MBD5: variants seen among roughly 807,000 people sequenced by gnomAD.
MBD5 encodes methyl-CpG binding domain protein 5.
Under a neutral mutation model 117.3 loss-of-function variants are expected in MBD5, and 13 were observed. The ratio of observed to expected loss-of-function variants is 0.11; its 90% CI spans 0.07 to 0.18. The LOEUF is 0.18. Ranked by LOEUF, MBD5 falls within the 10% of genes least tolerant of loss-of-function variation. The pLI, the probability that MBD5 is intolerant of heterozygous loss-of-function variation, is 1.00. For missense variants in MBD5, 1,879 were observed against 2,093.8 expected (o/e 0.90, Z 2.00); for synonymous variants, 727 against 766.4 (o/e 0.95, Z 0.85).
At chr2:148,037,014 A>AT (rs1694213582) in intron 1 of MBD5, among the ~76,000 whole-genome samples, 1 of 109,784 alleles carries the variant, frequency 9.1e-6, no homozygotes, top group Non-Finnish European at 2.2e-5. Flanking sequence ...TGCGTAGATA[A>AT]CAAAAGTAAT....
Position 148,514,471 on chromosome 2 carries a change from T to C in MBD5, c.*1530T>C, listed in dbSNP as rs1405378405. On this transcript the variant is annotated 3_prime_UTR_variant, in exon 14 of 14. Coordinates refer to ENST00000642680, the MANE Select transcript of MBD5 (RefSeq NM_001378120.1). ...ATGGATTGTCAAAAGAAGGGATCTATTATCCCTTTATTCTTGGAACCACCA... is the reference window on the plus strand; with the variant it reads ...ATGGATTGTCAAAAGAAGGGATCTACTATCCCTTTATTCTTGGAACCACCA... 6.6e-6 allele frequency: 1 copy of C among 152,132 alleles called. No homozygotes were observed. The highest frequency in any genetic ancestry group is 1.5e-5 in the Non-Finnish European group (1 of 68,026). The allele number at this position is 152,132 out of a possible 1,614,324, so 9.4% of individuals were successfully genotyped here. A position where few individuals can be genotyped will look rare whatever the true frequency, so the allele number is the denominator to read the frequency against.
chr2:148,386,712 C>A (rs1704378952), intron 4 of MBD5, among the ~76,000 whole-genome samples: 1 of 96,826 alleles, frequency 1.0e-5, no homozygotes, highest in African/African-American at 4.4e-5. Flanking sequence ...GAGCGAGACT[C>A]CGTCTCAAAA....
intron 7 of MBD5, among the ~76,000 whole-genome samples, chr2:148,467,815 A>T (rs532204799): frequency 6.6e-6 from 1 of 152,320 alleles, no homozygotes; most frequent in African/African-American, 2.4e-5. Context: ...AGGTTGCAGT[A>T]AGATAACAAA....
intron 3 of MBD5, among the ~76,000 whole-genome samples, chr2:148,261,065 C>G (rs1354735393): frequency 6.6e-6 from 1 of 152,166 alleles, no homozygotes; most frequent in African/African-American, 2.4e-5. Context: ...GCAAATCATG[C>G]TGCAAACAGA....
At chr2:148,145,266 T>C (rs1697426003) in intron 1 of MBD5, among the ~76,000 whole-genome samples, 1 of 152,226 alleles carries the variant, frequency 6.6e-6, no homozygotes. Flanking sequence ...TATTGCTTTA[T>C]AGGAATGCTT....
chr2:148,342,826 G>A (rs1702982203), intron 4 of MBD5, among the ~76,000 whole-genome samples: 1 of 151,870 alleles, frequency 6.6e-6, no homozygotes, highest in African/African-American at 2.4e-5. Flanking sequence ...TGTTAACTGG[G>A]TATACTGCAT....
chr2:148,306,594 C>G (rs746018363), intron 3 of MBD5, among the ~76,000 whole-genome samples: 2 of 152,024 alleles, frequency 1.3e-5, no homozygotes, highest in Non-Finnish European at 2.9e-5. Flanking sequence ...TAAGATTGCT[C>G]TAAGTTATAG....
intron 8 of MBD5, among the ~76,000 whole-genome samples, chr2:148,475,732 C>G (rs1364161851): frequency 1.3e-5 from 2 of 152,126 alleles, no homozygotes; most frequent in Non-Finnish European, 2.9e-5. Context: ...AACATTTACA[C>G]AGTTGCAAAA....
chr2:148,453,990 A>C (rs973782060), intron 4 of MBD5, among the ~76,000 whole-genome samples: 1 of 152,144 alleles, frequency 6.6e-6, no homozygotes, highest in Non-Finnish European at 1.5e-5. Context: ...CAAGATGGGC[A>C]TAGATTTATG....
At chr2:148,169,701 C>T (rs774542824) in intron 1 of MBD5, among the ~76,000 whole-genome samples, 1 of 152,084 alleles carries the variant, frequency 6.6e-6, no homozygotes, top group Non-Finnish European at 1.5e-5. Context: ...TCTGAATAGC[C>T]TGGTTATTAC....
intron 1 of MBD5, among the ~76,000 whole-genome samples, chr2:148,077,741 AC>A (rs1443029822): frequency 1.3e-5 from 2 of 152,190 alleles, no homozygotes; most frequent in African/African-American, 4.8e-5. Flanking sequence ...ATTGTATAAA[AC>A]AAGTCTGGAT....
At chr2:148,312,503 G>T (rs1258633626) in intron 3 of MBD5, among the ~76,000 whole-genome samples, 1 of 152,076 alleles carries the variant, frequency 6.6e-6, no homozygotes, top group Non-Finnish European at 1.5e-5. Context: ...GCTCCATCAG[G>T]TCATTAGTGT....
chr2:148,270,393 A>G (rs371214853), intron 3 of MBD5, among the ~76,000 whole-genome samples: 5 of 141,746 alleles, frequency 3.5e-5, no homozygotes, highest in African/African-American at 1.3e-4. Context: ...CTTCCTTTCT[A>G]TTTTTTTTTT....
rs564975621 is a variant in MBD5, at chr2:148,476,787, A to G, written c.2519-6323A>G. 4.6e-5 allele frequency among the ~76,000 whole-genome samples: 7 copies of G among 152,332 alleles called. No homozygotes were observed. In the South Asian group the frequency reaches 1.5e-3, roughly 32 times the overall value. ...ATAAAACGGTATAGTAGAAGAATACAAAGCTAAGCATATTCATAATCTAGA... is the reference window on the plus strand; with the variant it reads ...ATAAAACGGTATAGTAGAAGAATACGAAGCTAAGCATATTCATAATCTAGA... On this transcript the variant is annotated intron_variant, in intron 8 of 13. Coordinates refer to ENST00000642680, the MANE Select transcript of MBD5 (RefSeq NM_001378120.1).
rs991844105 is a variant in MBD5 at position 148,514,507 on chromosome 2, CAAA to C, written c.*1567_*1569del. ...TTCTTGGAACCACCAGTCCCTGCCCCAAACCCTTAAACCCCTAGAGAGCACTGC... is the reference window on the plus strand; with the variant it reads ...TTCTTGGAACCACCAGTCCCTGCCCCCCCTTAAACCCCTAGAGAGCACTGC... On this transcript the variant is annotated 3_prime_UTR_variant, in exon 14 of 14. Coordinates refer to ENST00000642680, the MANE Select transcript of MBD5 (RefSeq NM_001378120.1). 7.2e-5 allele frequency: 11 copies of C among 152,296 alleles called. No individual in the cohort carries two copies. The highest frequency in any genetic ancestry group is 2.6e-4 in the African/African-American group (11 of 41,542). The allele number at this position is 152,296 out of a possible 1,614,324, so 9.4% of individuals were successfully genotyped here.
At chr2:148,377,433 A>G (rs533267039) in intron 4 of MBD5, among the ~76,000 whole-genome samples, 1 of 152,330 alleles carries the variant, frequency 6.6e-6, no homozygotes, top group South Asian at 2.1e-4. Flanking sequence ...CCTTCAATCC[A>G]ATCAAGTTGA....
At chr2:148,042,420 G>A (rs1198105945) in intron 1 of MBD5, among the ~76,000 whole-genome samples, 1 of 151,858 alleles carries the variant, frequency 6.6e-6, no homozygotes, top group Non-Finnish European at 1.5e-5. Context: ...TCACAGCTAT[G>A]AGTAAGCTAT....
At chr2:148,461,569 A>C (rs1197718768) in intron 5 of MBD5, among the ~76,000 whole-genome samples, 2 of 152,202 alleles carry the variant, frequency 1.3e-5, no homozygotes, top group Admixed American at 1.3e-4. Flanking sequence ...TTGTTTCTGG[A>C]TGAACTTGGT....
intron 3 of MBD5, among the ~76,000 whole-genome samples, chr2:148,236,302 T>C (rs550014071): frequency 6.6e-6 from 1 of 152,298 alleles, no homozygotes; most frequent in East Asian, 1.9e-4. Context: ...GGATTCACTA[T>C]TTGTATTTGT....
Sources: gnomAD v4.1 joint callset for allele counts (sites outside exome capture counted in the v4.1 genomes callset) on GRCh38, gnomAD v4.1.1 for gene constraint, MANE v1.5 for transcripts, NCBI Gene and HGNC (gene_info 2026-07-23, HGNC 2026-07-21) for gene names.